TBC1D1: variants seen among roughly 807,000 people sequenced by gnomAD.
TBC1D1 encodes the protein TBC1 domain family member 1.
Under a neutral mutation model 125.6 loss-of-function variants are expected in TBC1D1, and 89 were observed. The ratio of observed to expected loss-of-function variants is 0.71; its 90% CI spans 0.60 to 0.85. TBC1D1 has a LOEUF of 0.85. TBC1D1 is among the 40% of genes least tolerant of loss of function. The probability of loss-of-function intolerance (pLI) is 0.00; values close to 1 mark genes in which losing one functional copy is unlikely to be tolerated. For synonymous variants in TBC1D1, 565 were observed against 564.1 expected (o/e 1.00, Z -0.02); for missense variants, 1,377 against 1,469.2 (o/e 0.94, Z 1.03).
At chr4:38,110,315 C>A (rs1761997035) in intron 15 of TBC1D1, 1 of 982,388 alleles carries the variant, frequency 1.0e-6, no homozygotes, top group Non-Finnish European at 1.2e-6. Context: ...CCATTCTTGA[C>A]CTGCTGCTTA....
At chr4:38,051,983 C>G in intron 11 of TBC1D1, 1 of 1,550,908 alleles carries the variant, frequency 6.4e-7, no homozygotes, top group Non-Finnish European at 8.7e-7. Flanking sequence ...TTAACCCCTC[C>G]GCCTCCTCGC....
At chr4:38,050,687 CCTT>C (rs1369915873) in intron 11 of TBC1D1, among the ~76,000 whole-genome samples, 2 of 152,216 alleles carry the variant, frequency 1.3e-5, no homozygotes, top group East Asian at 3.8e-4. Context: ...ACAGTCGCTG[CCTT>C]CTTCTGACCA....
chr4:38,127,945 C>T (rs186251590), intron 18 of TBC1D1, among the ~76,000 whole-genome samples: 7 of 152,218 alleles, frequency 4.6e-5, no homozygotes, highest in East Asian at 3.9e-4. Context: ...CTCACCTCTG[C>T]GACAGCTACT....
intron 12 of TBC1D1, among the ~76,000 whole-genome samples, chr4:38,088,076 C>T (rs552113021): frequency 6.6e-6 from 1 of 151,746 alleles, no homozygotes; most frequent in South Asian, 2.1e-4. Flanking sequence ...GAGAGATATG[C>T]TTCCAATGTG....
chr4:37,950,759 C>CTTAT (rs1553904675), intron 2 of TBC1D1, among the ~76,000 whole-genome samples: 1 of 137,842 alleles, frequency 7.3e-6, no homozygotes, highest in African/African-American at 2.7e-5. Flanking sequence ...CATGTAGTCA[C>CTTAT]TTTTTTTTTT....
intron 12 of TBC1D1, among the ~76,000 whole-genome samples, chr4:38,057,200 G>T (rs1181147045): frequency 6.6e-6 from 1 of 152,134 alleles, no homozygotes; most frequent in Non-Finnish European, 1.5e-5. Context: ...TTCCTCTGAT[G>T]CAGGTTCCCA....
At chr4:37,949,370 G>A (rs1727368279) in intron 2 of TBC1D1, among the ~76,000 whole-genome samples, 1 of 152,192 alleles carries the variant, frequency 6.6e-6, no homozygotes, top group Middle Eastern at 3.2e-3. Context: ...TTAGGTTGAT[G>A]TATTTTTTCC....
At position 37,998,979 on chromosome 4, in the gene TBC1D1, G is replaced by A. The variant is rs111952598; in HGVS notation, c.418-15530G>A. Among the ~76,000 whole-genome samples, 399 of 152,306 alleles carry A rather than the reference G, an allele frequency of 2.6e-3. 1 individual carries two copies. Among genetic ancestry groups the A allele is most frequent in the African/African-American group, 9.0e-3 (374 of 41,554 alleles). On this transcript the variant is annotated intron_variant, in intron 2 of 19. Transcript: ENST00000261439. ...GAAGGCTTTTCCACTGGGCACGGTGGCTCTCGCCTGTAATCCCAGCACTTT... is the reference window on the plus strand; with the variant it reads ...GAAGGCTTTTCCACTGGGCACGGTGACTCTCGCCTGTAATCCCAGCACTTT...
intron 9 of TBC1D1, 84 bp downstream of exon 9, chr4:38,044,574 A>G (rs987110818): frequency 1.2e-5 from 17 of 1,372,922 alleles, no homozygotes; most frequent in Non-Finnish European, 1.6e-5. Context: ...TATTCCATCA[A>G]TGTTCATCAT....
chr4:37,914,503 T>G lies in TBC1D1; in HGVS notation c.417+11991T>G, dbSNP rs555622813. Among the ~76,000 whole-genome samples the G allele has an allele frequency of 6.6e-5, 10 of 152,298 alleles. No individual in the cohort carries two copies. The South Asian group carries it at 2.1e-3, about 32-fold the overall frequency. On this transcript the variant is annotated intron_variant, in intron 2 of 19. Coordinates refer to ENST00000261439, the MANE Select transcript of TBC1D1 (RefSeq NM_015173.4). ...TTTGCTCCATTACAGAGCCCAAGCC[T>G]GAGGCGCCATTATATCTTATCTGGA... is the stretch of plus-strand genomic sequence containing the variant.
chr4:37,906,348 G>A lies in TBC1D1; in HGVS notation c.417+3836G>A, dbSNP rs139432053. On this transcript the variant is annotated intron_variant, in intron 2 of 19. Coordinates refer to ENST00000261439, the MANE Select transcript of TBC1D1 (RefSeq NM_015173.4). ...TTTTTAGTAGAGACAGGGTTTCACC[G>A]TGTTGGCCAGGCTGGTCTCGAACTC... Among the ~76,000 whole-genome samples the A allele has an allele frequency of 6.7e-3, 1,014 of 152,188 alleles. 12 individuals are homozygous for A. Among genetic ancestry groups the A allele is most frequent in the African/African-American group, 0.024 (981 of 41,530 alleles).
intron 15 of TBC1D1, among the ~76,000 whole-genome samples, chr4:38,114,016 G>C (rs1030936808): frequency 1.3e-5 from 2 of 151,812 alleles, no homozygotes; most frequent in Non-Finnish European, 2.9e-5. Flanking sequence ...TTCCAGTTCA[G>C]TTGCATGTGC....
chr4:37,937,982 T>C (rs1272828510), intron 2 of TBC1D1, among the ~76,000 whole-genome samples: 1 of 152,196 alleles, frequency 6.6e-6, no homozygotes, highest in African/African-American at 2.4e-5. Flanking sequence ...GTGGGTTCTA[T>C]TGGAGGGAAG....
At chr4:38,124,712 T>G (rs964111688) in intron 17 of TBC1D1, among the ~76,000 whole-genome samples, 2 of 152,240 alleles carry the variant, frequency 1.3e-5, no homozygotes, top group Non-Finnish European at 2.9e-5. Context: ...CTTTCCCAGT[T>G]TAACTTTTGA....
At chr4:38,020,732 C>T in intron 5 of TBC1D1, 37 bp downstream of exon 5, 1 of 1,563,684 alleles carries the variant, frequency 6.4e-7, no homozygotes, top group African/African-American at 1.4e-5. Flanking sequence ...TTGGAACCTT[C>T]TTTACAAGGA....
At chr4:38,010,966 C>T (rs1741359076) in intron 2 of TBC1D1, among the ~76,000 whole-genome samples, 1 of 152,166 alleles carries the variant, frequency 6.6e-6, no homozygotes, top group South Asian at 2.1e-4. Flanking sequence ...TGAAGTCCTC[C>T]ATGCAAATAG....
intron 8 of TBC1D1, among the ~76,000 whole-genome samples, chr4:38,038,325 A>G (rs768714740): frequency 8.5e-5 from 13 of 152,180 alleles, no homozygotes; most frequent in Non-Finnish European, 1.6e-4. Context: ...TTTCAAACAT[A>G]TAGAAAAGTT....
intron 2 of TBC1D1, among the ~76,000 whole-genome samples, chr4:37,913,637 A>C (rs1719084742): frequency 6.6e-6 from 1 of 150,644 alleles, no homozygotes; most frequent in Non-Finnish European, 1.5e-5. Flanking sequence ...GTATATATAT[A>C]TATGTGTGTG....
At chr4:38,112,647 T>C (rs1426873641) in intron 15 of TBC1D1, among the ~76,000 whole-genome samples, 1 of 152,222 alleles carries the variant, frequency 6.6e-6, no homozygotes, top group Non-Finnish European at 1.5e-5. Context: ...CAAATGCCAT[T>C]GAAATAAATG....
Sources: gnomAD v4.1 joint callset for allele counts (sites outside exome capture counted in the v4.1 genomes callset) on GRCh38, gnomAD v4.1.1 for gene constraint, MANE v1.5 for transcripts, NCBI Gene and HGNC (gene_info 2026-07-23, HGNC 2026-07-21) for gene names.